The following RASA1 variants were observed in gnomAD, a reference collection of about 807,000 sequenced individuals.
The protein encoded by RASA1 is ras GTPase-activating protein 1.
A neutral mutation model predicts 132.2 loss-of-function variants in RASA1; 25 were observed. That is an observed-to-expected ratio of 0.19 (90% CI 0.14 to 0.26). RASA1 has a LOEUF of 0.26. Ranked by LOEUF, RASA1 falls within the 10% of genes least tolerant of loss-of-function variation. The probability of loss-of-function intolerance (pLI) is 1.00; values close to 1 mark genes in which losing one functional copy is unlikely to be tolerated. For missense variants in RASA1, 964 were observed against 1,299.2 expected, an observed-to-expected ratio of 0.74 and a Z score of 3.97; for synonymous variants, 477 against 449.9, an observed-to-expected ratio of 1.06 and a Z score of -0.76.
chr5:87,302,232 TGTAG>T (rs1348553886), intron 1 of RASA1, among the ~76,000 whole-genome samples: 1 of 152,112 alleles, frequency 6.6e-6, no homozygotes, highest in Non-Finnish European at 1.5e-5. Flanking sequence ...ATTGTAGTGA[TGTAG>T]GTGGGTTGGT....
chr5:87,357,261 G>A (rs1759722295), intron 9 of RASA1, among the ~76,000 whole-genome samples: 1 of 151,682 alleles, frequency 6.6e-6, no homozygotes, highest in South Asian at 2.1e-4. Context: ...TTATATATGT[G>A]TATTTTTTAA....
intron 11 of RASA1, chr5:87,366,390 A>G: frequency 2.3e-6 from 1 of 428,506 alleles, no homozygotes. Context: ...AATCAAAAGA[A>G]AGGTCCACAT....
chr5:87,359,023 A>C (rs1759872433), intron 9 of RASA1, among the ~76,000 whole-genome samples: 1 of 152,186 alleles, frequency 6.6e-6, no homozygotes, highest in Non-Finnish European at 1.5e-5. Flanking sequence ...TCTAACATGT[A>C]GTACAATTTA....
intron 4 of RASA1, among the ~76,000 whole-genome samples, chr5:87,336,860 A>G (rs1758012974): frequency 6.6e-6 from 1 of 152,092 alleles, no homozygotes; most frequent in Non-Finnish European, 1.5e-5. Flanking sequence ...GAAGGATTGT[A>G]GAATCAAGAT....
rs1159844780 is a variant in RASA1 at position 87,287,454 on chromosome 5, TACCATATATATACAC to T, written c.539+18495_539+18509del. Among the ~76,000 whole-genome samples, 139 of 144,386 alleles carry T rather than the reference TACCATATATATACAC, an allele frequency of 9.6e-4. 1 individual carries two copies. Among genetic ancestry groups the T allele is most frequent in the East Asian group, 7.1e-3 (34 of 4,774 alleles). The allele number at this position is 144,386 out of a possible 152,430, so 94.7% of individuals were successfully genotyped here. ...ACACCATATATATACACCATATATATACCATATATATACACACCATATATATACACACCATATATA... is the reference window on the plus strand; with the variant it reads ...ACACCATATATATACACCATATATATACCATATATATACACACCATATATA... On this transcript the variant is annotated intron_variant, in intron 1 of 24. Coordinates refer to ENST00000274376, the MANE Select transcript of RASA1 (RefSeq NM_002890.3).
intron 6 of RASA1, among the ~76,000 whole-genome samples, chr5:87,344,062 G>A (rs902406121): frequency 3.3e-5 from 5 of 152,136 alleles, no homozygotes; most frequent in Non-Finnish European, 5.9e-5. Context: ...TTACCAAAAG[G>A]TGGGAAGGGT....
intron 1 of RASA1, among the ~76,000 whole-genome samples, chr5:87,290,489 A>G (rs1253422877): frequency 6.6e-6 from 1 of 152,196 alleles, no homozygotes; most frequent in African/African-American, 2.4e-5. Flanking sequence ...ACATTAGCAT[A>G]TTATTGTCAC....
chr5:87,330,833 G>T, intron 1 of RASA1: 1 of 606,110 alleles, frequency 1.6e-6, no homozygotes, highest in African/African-American at 1.9e-5. Flanking sequence ...TCAGCTTCAC[G>T]TTCAAACAGG....
In RASA1 at chr5:87,268,672, C is replaced by T. The variant is rs746137586; in HGVS notation, c.221C>T (p.Ala74Val). The T allele has an allele frequency of 6.2e-7, 1 of 1,611,152 alleles. No homozygotes were observed. Among genetic ancestry groups the T allele is most frequent in the Admixed American group, 1.7e-5 (1 of 59,518 alleles). Residue 74 changes from alanine to valine, a missense_variant, in exon 1 of 25, where the codon GCC becomes GTC. Transcript: ENST00000274376. Reference protein sequence around the residue: ...GAALGSEFLGAGSVAGALGGA... With the variant: ...GAALGSEFLGVGSVAGALGGA... ...GCTTTGGGGTCAGAGTTCCTAGGAG[C>T]CGGGTCTGTGGCAGGGGCACTGGGG...
At chr5:87,353,573 A>C (rs892217119) in intron 9 of RASA1, among the ~76,000 whole-genome samples, 1 of 152,062 alleles carries the variant, frequency 6.6e-6, no homozygotes, top group African/African-American at 2.4e-5. Flanking sequence ...TAATAAAAGG[A>C]AATAAAAAAT....
chr5:87,279,915 C>G (rs1233387991), intron 1 of RASA1, among the ~76,000 whole-genome samples: 1 of 152,220 alleles, frequency 6.6e-6, no homozygotes, highest in African/African-American at 2.4e-5. Flanking sequence ...GTTGGAAAGC[C>G]TCAAAGCCAG....
chr5:87,272,594 G>C (rs1753894335), intron 1 of RASA1, among the ~76,000 whole-genome samples: 1 of 151,718 alleles, frequency 6.6e-6, no homozygotes, highest in Admixed American at 6.6e-5. Flanking sequence ...ACAGTACTTG[G>C]GCATAGTAAG....
chr5:87,350,909 A>G (rs1283779145), intron 8 of RASA1, among the ~76,000 whole-genome samples: 2 of 151,724 alleles, frequency 1.3e-5, no homozygotes, highest in Non-Finnish European at 3.0e-5. Context: ...AGGATTTTGT[A>G]ATTGTTTTGG....
intron 2 of RASA1, among the ~76,000 whole-genome samples, chr5:87,331,884 C>G (rs956809837): frequency 2.0e-5 from 3 of 152,026 alleles, no homozygotes; most frequent in Non-Finnish European, 2.9e-5. Context: ...CTTCACTATT[C>G]TAAAACTCTT....
At chr5:87,369,045 T>C (rs1169497328) in intron 11 of RASA1, among the ~76,000 whole-genome samples, 1 of 152,188 alleles carries the variant, frequency 6.6e-6, no homozygotes, top group African/African-American at 2.4e-5. Flanking sequence ...TAATAAGTGT[T>C]AAGCTTGTCC....
At chr5:87,376,746 T>G (rs1200575252) in intron 16 of RASA1, 135 bp from the exon 17 acceptor site, 1 of 1,207,254 alleles carries the variant, frequency 8.3e-7, no homozygotes, top group Non-Finnish European at 1.2e-6. Context: ...GAATTCATTC[T>G]ATTTTAAATA....
chr5:87,335,615 G>C (rs1269816454), intron 4 of RASA1, among the ~76,000 whole-genome samples: 2 of 151,602 alleles, frequency 1.3e-5, no homozygotes, highest in Non-Finnish European at 2.9e-5. Flanking sequence ...TAGTAGAGAT[G>C]GGGTTTCACC....
intron 12 of RASA1, among the ~76,000 whole-genome samples, chr5:87,370,877 C>G (rs1228650968): frequency 6.6e-6 from 1 of 152,070 alleles, no homozygotes; most frequent in Non-Finnish European, 1.5e-5. Flanking sequence ...CAGAATAAAC[C>G]TGAATGAGCT....
In RASA1 at chr5:87,333,322, A is replaced by G. The variant is rs1310494324; in HGVS notation, c.884A>G (p.Asp295Gly). 6.2e-7 allele frequency: 1 copy of G among 1,613,326 alleles called. No individual in the cohort carries two copies. The highest frequency in any genetic ancestry group is 1.3e-5 in the African/African-American group (1 of 74,994). Residue 295 changes from aspartate to glycine, a missense_variant, in exon 4 of 25, where the codon GAC (aspartate) becomes GGC (glycine). This residue lies in a region of RASA1 where 154 missense variants were observed against 286.5 expected (regional missense o/e 0.54). Transcript: ENST00000274376. ...RAILPYTKVPDTDEISFLKGD... is the reference protein window; with the variant it reads ...RAILPYTKVPGTDEISFLKGD... ...ATTCTACCTTACACAAAAGTACCAG[A>G]CACTGATGAAATAAGGTATTTTATA... is the stretch of plus-strand genomic sequence containing the variant.
Sources: gnomAD v4.1 joint callset for allele counts (sites outside exome capture counted in the v4.1 genomes callset) on GRCh38, gnomAD v4.1.1 for gene constraint, gnomAD v4.1.1 regional missense constraint, MANE v1.5 for transcripts, NCBI Gene and HGNC (gene_info 2026-07-23, HGNC 2026-07-21) for gene names.